The following PTPRD variants were observed in gnomAD, a reference collection of about 807,000 sequenced individuals.
The protein encoded by PTPRD is receptor-type tyrosine-protein phosphatase delta.
PTPRD carries 34 observed loss-of-function variants against 214.5 expected under a neutral mutation model. The observed-to-expected ratio is 0.16, with a 90% CI of 0.12 to 0.21. The LOEUF is 0.21. PTPRD is among the 10% of genes least tolerant of loss of function. The pLI, the probability that PTPRD is intolerant of heterozygous loss-of-function variation, is 1.00. For synonymous variants in PTPRD, 1,128 were observed against 845.7 expected (o/e 1.33, Z -5.79); for missense variants, 2,545 against 2,398.7 (o/e 1.06, Z -1.27).
chr9:10,033,812 C>A (rs1041814182), intron 3 of PTPRD, 22 bp from the exon 4 acceptor site: 1 of 152,000 alleles, frequency 6.6e-6, no homozygotes, highest in Non-Finnish European at 1.5e-5. Flanking sequence ...AGTGAGAGAT[C>A]GCTTTAATTC....
At chr9:10,314,648 T>A (rs931518145) in intron 3 of PTPRD, among the ~76,000 whole-genome samples, 1 of 151,848 alleles carries the variant, frequency 6.6e-6, no homozygotes, top group African/African-American at 2.4e-5. Flanking sequence ...AAATAGGTTA[T>A]AGATTAGATA....
chr9:9,039,995 G>A (rs1333059531), intron 10 of PTPRD, among the ~76,000 whole-genome samples: 1 of 147,990 alleles, frequency 6.8e-6, no homozygotes, highest in Non-Finnish European at 1.5e-5. Context: ...TTTTTTTTCT[G>A]GCAGCATTTA....
chr9:9,867,851 A>G (rs2064372383), intron 5 of PTPRD, among the ~76,000 whole-genome samples: 1 of 152,188 alleles, frequency 6.6e-6, no homozygotes, highest in Admixed American at 6.5e-5. Context: ...TGGGACAGAA[A>G]CTGAGGAGAC....
At chr9:9,208,803 A>T (rs760765869) in intron 9 of PTPRD, among the ~76,000 whole-genome samples, 1 of 151,878 alleles carries the variant, frequency 6.6e-6, no homozygotes, top group Non-Finnish European at 1.5e-5. Flanking sequence ...CAGAGACAAT[A>T]TAACTCTTTT....
chr9:9,879,961 T>C (rs2068114371), intron 5 of PTPRD, among the ~76,000 whole-genome samples: 1 of 152,174 alleles, frequency 6.6e-6, no homozygotes, highest in South Asian at 2.1e-4. Flanking sequence ...AAAACATGTC[T>C]GAATTTCTTT....
intron 8 of PTPRD, among the ~76,000 whole-genome samples, chr9:9,434,769 C>A (rs4392953): frequency 6.6e-6 from 1 of 150,824 alleles, no homozygotes; most frequent in Non-Finnish European, 1.5e-5. Flanking sequence ...GTCAGTTATG[C>A]ACATTTTATT....
At chr9:10,368,218 G>C (rs1445304989) in intron 2 of PTPRD, among the ~76,000 whole-genome samples, 1 of 152,030 alleles carries the variant, frequency 6.6e-6, no homozygotes, top group South Asian at 2.1e-4. Context: ...AGTAGTGTAT[G>C]TTACTGATAT....
At chr9:9,755,743 C>A (rs184124764) in intron 6 of PTPRD, among the ~76,000 whole-genome samples, 5 of 152,144 alleles carry the variant, frequency 3.3e-5, no homozygotes, top group Admixed American at 3.3e-4. Flanking sequence ...GGTTCTGATA[C>A]AGCATAGGAA....
intron 14 of PTPRD, among the ~76,000 whole-genome samples, chr9:8,565,352 A>G (rs1241668616): frequency 6.6e-6 from 1 of 152,206 alleles, no homozygotes; most frequent in Admixed American, 6.6e-5. Flanking sequence ...TCATGTGAGA[A>G]CCATATTTGG....
intron 11 of PTPRD, among the ~76,000 whole-genome samples, chr9:8,871,269 A>G (rs932844357): frequency 1.3e-5 from 2 of 152,190 alleles, no homozygotes; most frequent in Admixed American, 1.3e-4. Context: ...AGACTACTCT[A>G]AAAAGCTACT....
At chr9:8,986,495 T>G (rs886472438) in intron 11 of PTPRD, among the ~76,000 whole-genome samples, 3 of 151,774 alleles carry the variant, frequency 2.0e-5, no homozygotes, top group Non-Finnish European at 4.4e-5. Flanking sequence ...ACCTCATAAA[T>G]AGTTTAGTAT....
intron 2 of PTPRD, among the ~76,000 whole-genome samples, chr9:10,409,959 A>C (rs1298772077): frequency 6.6e-6 from 1 of 151,726 alleles, no homozygotes; most frequent in African/African-American, 2.4e-5. Flanking sequence ...ACCCTGAGCC[A>C]GAAGTGTTCA....
intron 8 of PTPRD, among the ~76,000 whole-genome samples, chr9:9,492,899 T>C (rs2095982264): frequency 6.7e-6 from 1 of 149,226 alleles, no homozygotes; most frequent in African/African-American, 2.5e-5. Flanking sequence ...CCTGTGATTG[T>C]TGATATTACT....
rs116318848 is a variant in PTPRD at position 9,621,853 on chromosome 9, G to A, written c.-286-47072C>T. Among the ~76,000 whole-genome samples the A allele has an allele frequency of 2.7e-3, 407 of 152,218 alleles. 1 individual carries two copies. The highest frequency in any genetic ancestry group is 9.4e-3 in the African/African-American group (389 of 41,512). ...TGCTGCCTGTGGTGTTCTGGACAGG[G>A]CCTTATTTACTTTATTTAGGTTTGT... On this transcript the variant is annotated intron_variant, in intron 7 of 45. Coordinates refer to ENST00000381196, the MANE Select transcript of PTPRD (RefSeq NM_002839.4).
chr9:10,295,821 G>A lies in PTPRD; in HGVS notation c.-545+45142C>T, dbSNP rs919603365. On this transcript the variant is annotated intron_variant, in intron 3 of 45. Coordinates refer to ENST00000381196, the MANE Select transcript of PTPRD (RefSeq NM_002839.4). ...CAGAGAACTTTCCCTGGCTGGAGCA[G>A]AAGAGATGTGGCAGAAGAAGTCAAA... Among the ~76,000 whole-genome samples, 3 of 152,074 alleles carry A rather than the reference G, an allele frequency of 2.0e-5. No individual in the cohort carries two copies. The East Asian group carries it at 5.8e-4, about 29-fold the overall frequency.
At chr9:9,213,818 A>T (rs369474347) in intron 9 of PTPRD, among the ~76,000 whole-genome samples, 1 of 151,642 alleles carries the variant, frequency 6.6e-6, no homozygotes, top group African/African-American at 2.4e-5. Flanking sequence ...TTTATCTATC[A>T]TCTCTCTCTC....
chr9:9,508,703 T>G (rs2096628186), intron 8 of PTPRD, among the ~76,000 whole-genome samples: 1 of 151,640 alleles, frequency 6.6e-6, no homozygotes, highest in African/African-American at 2.4e-5. Flanking sequence ...CATTTTCAAT[T>G]CATTGTACTT....
At chr9:8,542,393 G>C (rs1473085096) in intron 14 of PTPRD, among the ~76,000 whole-genome samples, 1 of 152,138 alleles carries the variant, frequency 6.6e-6, no homozygotes, top group African/African-American at 2.4e-5. Flanking sequence ...ACTTACATTA[G>C]GAAGATGTAA....
At chr9:9,408,586 T>C (rs192713804) in intron 8 of PTPRD, among the ~76,000 whole-genome samples, 23 of 152,012 alleles carry the variant, frequency 1.5e-4, no homozygotes, top group Admixed American at 1.5e-3. Flanking sequence ...ACTTACTTCT[T>C]AGTAAATGCT....
Sources: allele counts gnomAD v4.1 joint callset (sites outside exome capture counted in the v4.1 genomes callset), GRCh38; gene constraint gnomAD v4.1.1; transcripts MANE v1.5; gene names NCBI Gene and HGNC (gene_info 2026-07-23, HGNC 2026-07-21).